Variants in PITRM1 observed in about 807,000 individuals in gnomAD.
PITRM1 encodes the protein pitrilysin metallopeptidase 1, also known as presequence protease, mitochondrial.
A neutral mutation model predicts 129.9 loss-of-function variants in PITRM1; 100 were observed. The observed-to-expected ratio is 0.77, with a 90% CI of 0.65 to 0.91. The LOEUF is 0.91. Ranked by LOEUF, PITRM1 falls within the 40% of genes least tolerant of loss-of-function variation. The pLI is 0.00. For synonymous variants in PITRM1, 591 were observed against 508.8 expected, an observed-to-expected ratio of 1.16 and a Z score of -2.17; for missense variants, 1,471 against 1,318.3, an observed-to-expected ratio of 1.12 and a Z score of -1.79.
chr10:3,147,667 T>C lies in PITRM1; in HGVS notation c.2140A>G (p.Ile714Val), dbSNP rs774329846. Residue 714 changes from isoleucine to valine, a missense_variant, in exon 19 of 27, where the codon ATT (isoleucine) becomes GTT (valine). Physicochemically the swap from Ile to Val is conservative, Grantham distance 29. Coordinates refer to ENST00000224949, the MANE Select transcript of PITRM1 (RefSeq NM_014889.4). ...GCGTACAGGTGCCCAGAGTCAGGAA[T>C]TCCATTGGCGAGCTCCTGGGCGGTC... ...KMTAQELANGIPDSGHLYASI... is the reference protein window; with the variant it reads ...KMTAQELANGVPDSGHLYASI... 3 of 1,613,624 alleles carry C rather than the reference T, an allele frequency of 1.9e-6. No individual in the cohort carries two copies. The highest frequency in any genetic ancestry group is 2.7e-5 in the African/African-American group (2 of 74,916).
At chr10:3,158,416 T>A (rs1265676118) in intron 10 of PITRM1, among the ~76,000 whole-genome samples, 1 of 152,084 alleles carries the variant, frequency 6.6e-6, no homozygotes, top group Non-Finnish European at 1.5e-5. Context: ...TACAAAATTT[T>A]AAAAATTCCT....
rs144341821 is a variant in PITRM1 at position 3,148,177 on chromosome 10, G to C, written c.1986C>G (p.Tyr662Ter). 3.7e-6 allele frequency: 6 copies of C among 1,613,982 alleles called. No individual in the cohort carries two copies. Among genetic ancestry groups the C allele is most frequent in the Non-Finnish European group, 4.2e-6 (5 of 1,179,892 alleles). The change falls in exon 17 of 27, where the codon TAC (tyrosine) becomes TAG (stop). Residue 662 changes from tyrosine to a stop codon, truncating the protein, a stop_gained. Coordinates refer to ENST00000224949, the MANE Select transcript of PITRM1 (RefSeq NM_014889.4). LOFTEE classifies it high-confidence loss of function. ...VLPDDSHMDT[Y>*]EQGVLFSSLC... is the part of the protein sequence containing the mutation. ...TCTGACGGTACCAGGCTACCTGCTC[G>C]TAGGTGTCCATGTGTGAGTCGTCGG...
intron 11 of PITRM1, 79 bp downstream of exon 11, chr10:3,157,961 T>C: frequency 1.2e-6 from 1 of 851,456 alleles, no homozygotes; most frequent in Non-Finnish European, 2.0e-6. Flanking sequence ...GCCGAAACAA[T>C]GGATCAGGCT....
chr10:3,170,074 T>G (rs1185795893), intron 2 of PITRM1, 30 bp downstream of exon 2: 1 of 1,509,244 alleles, frequency 6.6e-7, no homozygotes, highest in African/African-American at 1.4e-5. Context: ...GTATGTGGAT[T>G]TATAAGGAGG....
intron 23 of PITRM1, chr10:3,143,187 T>C (rs1427243005): frequency 1.7e-6 from 1 of 583,220 alleles, no homozygotes; most frequent in Non-Finnish European, 3.1e-6. Flanking sequence ...TTTACAAAAA[T>C]GACTGGCTCT....
At chr10:3,156,299 A>G (rs4130195) in intron 13 of PITRM1, among the ~76,000 whole-genome samples, 72,837 of 152,104 alleles carry the variant, frequency 0.48, 17,811 homozygotes, top group South Asian at 0.53. Context: ...AAATGCTCCC[A>G]TATAAAATAC....
intron 25 of PITRM1, 73 bp downstream of exon 25, chr10:3,138,831 C>T: frequency 6.9e-7 from 1 of 1,451,872 alleles, no homozygotes; most frequent in Non-Finnish European, 9.7e-7. Flanking sequence ...CCCATGCATG[C>T]CGGGAACTTG....
intron 24 of PITRM1, among the ~76,000 whole-genome samples, 199 bp from the exon 25 acceptor site, chr10:3,139,248 C>T (rs911733555): frequency 1.3e-5 from 2 of 151,902 alleles, no homozygotes; most frequent in African/African-American, 2.4e-5. Flanking sequence ...AGCCTTTCAA[C>T]ATGTTCTCCC....
chr10:3,138,511 G>C (rs116021625), intron 25 of PITRM1, 174 bp from the exon 26 acceptor site: 3 of 636,634 alleles, frequency 4.7e-6, no homozygotes, highest in Middle Eastern at 4.2e-4. Flanking sequence ...CAGCTCCCAC[G>C]TGCCACGCTG....
intron 14 of PITRM1, among the ~76,000 whole-genome samples, chr10:3,154,402 T>C (rs1372494515): frequency 6.6e-6 from 1 of 152,090 alleles, no homozygotes; most frequent in African/African-American, 2.4e-5. Context: ...GGCCACACCA[T>C]TTTGGCTCCT....
chr10:3,144,594 G>T (rs371892123), intron 21 of PITRM1, among the ~76,000 whole-genome samples: 1 of 152,178 alleles, frequency 6.6e-6, no homozygotes, highest in South Asian at 2.1e-4. Context: ...CTTGGGTCCA[G>T]GAGTCTGAGA....
chr10:3,139,991 G>A (rs112305110), intron 24 of PITRM1, among the ~76,000 whole-genome samples: 75 of 152,346 alleles, frequency 4.9e-4, no homozygotes, highest in Non-Finnish European at 8.5e-4. Flanking sequence ...CTCTCAGGCT[G>A]TATCAGCCCC....
intron 1 of PITRM1, chr10:3,172,121 C>T: frequency 2.2e-6 from 1 of 454,082 alleles, no homozygotes; most frequent in Non-Finnish European, 4.4e-6. Context: ...AAGGCCAGGC[C>T]GAACTCATGC....
intron 14 of PITRM1, among the ~76,000 whole-genome samples, chr10:3,153,524 C>T (rs372469289): frequency 4.2e-4 from 63 of 151,802 alleles, no homozygotes; most frequent in African/African-American, 1.1e-3. Flanking sequence ...GAGGCTGAGG[C>T]GAGAAAATGA....
rs2132426497 is a variant in PITRM1, at chr10:3,152,278, G to T, written c.1622-915C>A. On this transcript the variant is annotated intron_variant, in intron 14 of 26. Transcript: ENST00000224949. ...CCCCGCCCTGATGGCCATCAGTGAA[G>T]CGGCTTCACAGTGCTACACCGAGCC... Among the ~76,000 whole-genome samples the T allele has an allele frequency of 1.3e-5, 2 of 152,290 alleles. 1 individual carries two copies. Among genetic ancestry groups the T allele is most frequent in the South Asian group, 4.2e-4 (2 of 4,816 alleles).
At chr10:3,168,891 A>G (rs1409693369) in intron 2 of PITRM1, among the ~76,000 whole-genome samples, 1 of 120,606 alleles carries the variant, frequency 8.3e-6, no homozygotes, top group Non-Finnish European at 1.8e-5. Flanking sequence ...GTTTGAGACC[A>G]GTCTAGGCAA....
At position 3,147,641 on chromosome 10, in the gene PITRM1, T is replaced by C. The variant is rs770615226; in HGVS notation, c.2166A>G (p.Ala722=). 16 of 1,613,864 alleles carry C rather than the reference T, an allele frequency of 9.9e-6. No homozygotes were observed. The highest frequency in any genetic ancestry group is 3.3e-5 in the Admixed American group (2 of 59,982). The change falls in exon 19 of 27, where the codon GCA becomes GCG. Residue 722 remains alanine (A), a synonymous_variant. Coordinates refer to ENST00000224949, the MANE Select transcript of PITRM1 (RefSeq NM_014889.4). ...NGIPDSGHLY[A]SIRAGRTLTP... is the part of the protein sequence containing the mutation. ...TGAGGGTCCGGCCTGCCCTGATGGATGCGTACAGGTGCCCAGAGTCAGGAA... is the reference window on the plus strand; with the variant it reads ...TGAGGGTCCGGCCTGCCCTGATGGACGCGTACAGGTGCCCAGAGTCAGGAA...
chr10:3,157,033 T>TC lies in PITRM1; in HGVS notation c.1378dup (p.Asp460GlyfsTer14), dbSNP rs1335786809. ...TCCCAACTTCAAGAGCTCCACAGGG[T>TC]CCCCATCATGGTTCCAGCAAGAAGC... On this transcript the variant is annotated frameshift_variant, in exon 13 of 27. Coordinates refer to ENST00000224949, the MANE Select transcript of PITRM1 (RefSeq NM_014889.4). LOFTEE classifies it high-confidence loss of function. 2 of 1,610,304 alleles carry TC rather than the reference T, an allele frequency of 1.2e-6. No homozygotes were observed. The highest frequency in any genetic ancestry group is 1.1e-5 in the South Asian group (1 of 90,342).
intron 26 of PITRM1, 43 bp from the exon 27 acceptor site, chr10:3,138,167 G>A (rs372067816): frequency 7.5e-5 from 117 of 1,568,624 alleles, no homozygotes; most frequent in Non-Finnish European, 8.9e-5. Context: ...TGGCTTCTGC[G>A]TGAGCGCTGT....
Sources: allele counts gnomAD v4.1 joint callset (sites outside exome capture counted in the v4.1 genomes callset), GRCh38; gene constraint gnomAD v4.1.1; transcripts MANE v1.5; gene names NCBI Gene and HGNC (gene_info 2026-07-23, HGNC 2026-07-21).